YES1: variants seen among roughly 807,000 people sequenced by gnomAD.
YES1 encodes YES proto-oncogene 1, Src family tyrosine kinase, also known as tyrosine-protein kinase Yes.
In YES1, 39 loss-of-function variants were observed where a neutral mutation model predicts 70.4. The ratio of observed to expected loss-of-function variants is 0.55; its 90% CI spans 0.43 to 0.72. The LOEUF is 0.72. Ranked by LOEUF, YES1 falls within the 30% of genes least tolerant of loss-of-function variation. The pLI is 0.00. For synonymous variants in YES1, 198 were observed against 218.6 expected (o/e 0.91, Z 0.83); for missense variants, 495 against 644.8 (o/e 0.77, Z 2.52).
chr18:747,127 A>G (rs1021855714), intron 4 of YES1, among the ~76,000 whole-genome samples: 1 of 151,808 alleles, frequency 6.6e-6, no homozygotes, highest in African/African-American at 2.4e-5. Flanking sequence ...TAATCATAAA[A>G]TGATAATAAA....
intron 1 of YES1, among the ~76,000 whole-genome samples, chr18:757,439 C>T (rs1282018127): frequency 4.8e-5 from 7 of 146,224 alleles, no homozygotes; most frequent in Non-Finnish European, 1.0e-4. Flanking sequence ...GGAGGCGGAG[C>T]TTGCAGTGAG....
At chr18:733,913 CAG>C (rs2080121164) in intron 10 of YES1, among the ~76,000 whole-genome samples, 1 of 148,012 alleles carries the variant, frequency 6.8e-6, no homozygotes, top group African/African-American at 2.5e-5. Flanking sequence ...TGTTTTAAAA[CAG>C]AGTTCTTTAG....
intron 11 of YES1, among the ~76,000 whole-genome samples, chr18:728,753 T>C (rs1025607787): frequency 6.6e-6 from 1 of 152,192 alleles, no homozygotes; most frequent in South Asian, 2.1e-4. Flanking sequence ...CTCAAACCCC[T>C]GACCTCGTGA....
At chr18:754,096 CCA>C in intron 2 of YES1, among the ~76,000 whole-genome samples, 1 of 152,280 alleles carries the variant, frequency 6.6e-6, no homozygotes, top group East Asian at 1.9e-4. Flanking sequence ...CATCCATTCC[CCA>C]CACAGATGTC....
intron 1 of YES1, among the ~76,000 whole-genome samples, chr18:794,232 A>T (rs1420225596): frequency 6.6e-6 from 1 of 152,226 alleles, no homozygotes; most frequent in African/African-American, 2.4e-5. Flanking sequence ...TCTGAAGAAC[A>T]TAATAGCCTT....
chr18:798,598 G>A (rs1221454084), intron 1 of YES1, among the ~76,000 whole-genome samples: 3 of 152,106 alleles, frequency 2.0e-5, no homozygotes, highest in African/African-American at 7.2e-5. Flanking sequence ...CTACCACCAT[G>A]GAATTCTTTG....
At chr18:792,223 C>A (rs1906287157) in intron 1 of YES1, among the ~76,000 whole-genome samples, 4 of 151,830 alleles carry the variant, frequency 2.6e-5, no homozygotes, top group Admixed American at 2.6e-4. Context: ...AGAATTGTTT[C>A]AACCCAGGAG....
chr18:799,872 G>A (rs1269651515), intron 1 of YES1, among the ~76,000 whole-genome samples: 3 of 151,644 alleles, frequency 2.0e-5, no homozygotes, highest in Non-Finnish European at 4.4e-5. Context: ...GCTAAAGAAC[G>A]AGACTCTGTC....
intron 1 of YES1, among the ~76,000 whole-genome samples, chr18:776,470 C>CAT (rs1568210352): frequency 6.6e-6 from 1 of 152,036 alleles, no homozygotes; most frequent in African/African-American, 2.4e-5. Context: ...GTTTACCGGA[C>CAT]ATTATCTTTT....
In YES1 at chr18:751,880, C is replaced by CAA. The variant is rs34440107; in HGVS notation, c.272-78_272-77dup. Reference sequence around the variant, plus strand: ...ACAGAAAAAAAGAACTATTGCCAGCCAAAAAAAAAAAAGCTTAAGGATAGT... The same window carrying CAA: ...ACAGAAAAAAAGAACTATTGCCAGCCAAAAAAAAAAAAAAGCTTAAGGATAGT... On this transcript the variant is annotated intron_variant, in intron 2 of 11. Transcript: ENST00000314574. The CAA allele has an allele frequency of 4.8e-3, 3,270 of 686,908 alleles. 5 individuals carry two copies. Among genetic ancestry groups the CAA allele is most frequent in the South Asian group, 4.5e-3 (254 of 56,092 alleles). 42.6% of individuals were successfully genotyped at this position (686,908 alleles called of 1,614,324 possible).
chr18:786,119 C>G (rs185409734), intron 1 of YES1, among the ~76,000 whole-genome samples: 25 of 152,148 alleles, frequency 1.6e-4, no homozygotes, highest in African/African-American at 4.8e-4. Flanking sequence ...ATCTGTGGTA[C>G]TGTTATAGCA....
chr18:798,963 A>T (rs1906680291), intron 1 of YES1, among the ~76,000 whole-genome samples: 1 of 152,210 alleles, frequency 6.6e-6, no homozygotes, highest in Non-Finnish European at 1.5e-5. Flanking sequence ...GATCCTAATT[A>T]AGTTCAAAAT....
intron 1 of YES1, among the ~76,000 whole-genome samples, chr18:784,844 C>T (rs1025275650): frequency 1.4e-4 from 22 of 152,338 alleles, no homozygotes; most frequent in Middle Eastern, 3.4e-3. Flanking sequence ...TTATCAGGAA[C>T]TTTAACTCTA....
At chr18:725,294 G>C (rs148319400) in intron 11 of YES1, among the ~76,000 whole-genome samples, 1 of 151,512 alleles carries the variant, frequency 6.6e-6, no homozygotes, top group South Asian at 2.1e-4. Flanking sequence ...CTCACCTCAC[G>C]TCCTATCTCC....
intron 2 of YES1, among the ~76,000 whole-genome samples, chr18:752,433 G>A (rs1164267109): frequency 6.6e-6 from 1 of 152,028 alleles, no homozygotes; most frequent in Non-Finnish European, 1.5e-5. Context: ...TTGACTCACT[G>A]TAGCAACATC....
rs777502618 is a variant in YES1 at position 739,723 on chromosome 18, A to C, written c.1137+12T>G. The C allele has an allele frequency of 7.5e-6, 12 of 1,595,218 alleles. No homozygotes were observed. The South Asian group carries it at 1.1e-4, about 15-fold the overall frequency. On this transcript the variant is annotated intron_variant, in intron 9 of 11. Transcript: ENST00000314574. ...TTTTAATTCAAATGGATACATGTAT[A>C]TATACAGATACCTGAGCAGCCATAT...
In YES1 at chr18:724,073, A is replaced by C; in HGVS notation, c.*351T>G. 1 of 178,566 alleles carries C rather than the reference A, an allele frequency of 5.6e-6. No homozygotes were observed. Among genetic ancestry groups the C allele is most frequent in the Non-Finnish European group, 1.2e-5 (1 of 83,688 alleles). The allele number at this position is 178,566 out of a possible 1,614,324, so 11.1% of individuals were successfully genotyped here. A position where few individuals can be genotyped will look rare whatever the true frequency, so the allele number is the denominator to read the frequency against. Reference sequence around the variant, plus strand: ...TCTCTCAAGTTTTATCTGTAACAATAAATAATTTTCTTTGAGCAATTCTGA... The same window carrying C: ...TCTCTCAAGTTTTATCTGTAACAATCAATAATTTTCTTTGAGCAATTCTGA... On this transcript the variant is annotated 3_prime_UTR_variant, in exon 12 of 12. Coordinates refer to ENST00000314574, the MANE Select transcript of YES1 (RefSeq NM_005433.4).
chr18:746,173 CA>C, intron 4 of YES1, 122 bp from the exon 5 acceptor site: 1 of 658,464 alleles, frequency 1.5e-6, no homozygotes, highest in East Asian at 2.7e-5. Flanking sequence ...GAACATGGCT[CA>C]AAATACAGGA....
In YES1 at chr18:765,019, C is replaced by T. The variant is rs547321618; in HGVS notation, c.-8-8184G>A. On this transcript the variant is annotated intron_variant, in intron 1 of 11. Transcript: ENST00000314574. ...AAAGGGCTGAGATTACAGGCGTGAG[C>T]CACCTCGCCCGGCTTATCTGAATCT... Among the ~76,000 whole-genome samples the T allele has an allele frequency of 2.5e-4, 38 of 151,960 alleles. 2 individuals carry two copies. The South Asian group carries it at 6.0e-3, about 24-fold the overall frequency.
Sources: gnomAD v4.1 joint callset for allele counts (sites outside exome capture counted in the v4.1 genomes callset) on GRCh38, gnomAD v4.1.1 for gene constraint, MANE v1.5 for transcripts, NCBI Gene and HGNC (gene_info 2026-07-23, HGNC 2026-07-21) for gene names.